PCDHGA2: variants seen among roughly 807,000 people sequenced by gnomAD.
PCDHGA2 encodes the protein protocadherin gamma-A2.
In PCDHGA2, 40 loss-of-function variants were observed where a neutral mutation model predicts 59.2. That is an observed-to-expected ratio of 0.68 (90% confidence interval 0.52 to 0.88). PCDHGA2 has a LOEUF of 0.88. Among genes scored for constraint, PCDHGA2 ranks in the 40% least tolerant of loss-of-function variants. The probability of loss-of-function intolerance (pLI) is 0.00; values close to 1 mark genes in which losing one functional copy is unlikely to be tolerated. For synonymous variants in PCDHGA2, 560 were observed against 526.0 expected (o/e 1.06, Z -0.89); for missense variants, 1,226 against 1,204.0 (o/e 1.02, Z -0.27).
At chr5:141,377,577 CAGAATGAGACTTTT>C (rs1211676701) in intron 1 of PCDHGA2, 2 of 148,600 alleles carry the variant, frequency 1.3e-5, no homozygotes, top group African/African-American at 2.5e-5. Context: ...GCCTGGGAGA[CAGAATGAGACTTTT>C]TCTCTCTCTC....
intron 1 of PCDHGA2, among the ~76,000 whole-genome samples, chr5:141,443,122 A>C (rs1239492679): frequency 6.6e-6 from 1 of 152,138 alleles, no homozygotes; most frequent in East Asian, 1.9e-4. Flanking sequence ...TTCAAACCAG[A>C]TTAAGAACAC....
chr5:141,421,388 G>A (rs369403750), intron 1 of PCDHGA2: 1 of 1,613,934 alleles, frequency 6.2e-7, no homozygotes, highest in Non-Finnish European at 8.5e-7. Context: ...AAGGACCTGG[G>A]GCTGGAGCCC....
At chr5:141,499,007 AG>A (rs2099788320) in intron 2 of PCDHGA2, among the ~76,000 whole-genome samples, 1 of 151,128 alleles carries the variant, frequency 6.6e-6, no homozygotes, top group Non-Finnish European at 1.5e-5. Flanking sequence ...GAAGGAAGGA[AG>A]GAAGGAAGGA....
rs753372015 is a variant in PCDHGA2 at position 141,422,180 on chromosome 5, T to C, written c.2425-72627T>C. The stretch of plus-strand genomic sequence containing the variant: ...TTTGAAAAATATAGATTCTATGAGA[T>C]GGAAATTCAAGGCCAAGATGGTGGA... On this transcript the variant is annotated intron_variant, in intron 1 of 3. Coordinates refer to ENST00000394576, the MANE Select transcript of PCDHGA2 (RefSeq NM_018915.4). 1.1e-5 allele frequency: 17 copies of C among 1,562,190 alleles called. No homozygotes were observed. In the African/African-American group the frequency reaches 1.9e-4, roughly 18 times the overall value.
intron 1 of PCDHGA2, chr5:141,415,772 T>TTA: frequency 7.5e-7 from 1 of 1,332,978 alleles, no homozygotes; most frequent in Non-Finnish European, 9.6e-7. Flanking sequence ...TTTTTTTTTT[T>TTA]ACTTTCTGGT....
chr5:141,344,026 A>T, intron 1 of PCDHGA2: 1 of 1,529,842 alleles, frequency 6.5e-7, no homozygotes, highest in Non-Finnish European at 8.8e-7. Context: ...CGATTCACCG[A>T]AAAGGAAATG....
chr5:141,463,572 C>A (rs1462125489), intron 1 of PCDHGA2, among the ~76,000 whole-genome samples: 2 of 151,572 alleles, frequency 1.3e-5, no homozygotes, highest in African/African-American at 4.9e-5. Context: ...CCTCAGCCTC[C>A]CGAGTAGCTG....
chr5:141,421,617 C>T, intron 1 of PCDHGA2: 3 of 1,613,768 alleles, frequency 1.9e-6, no homozygotes, highest in African/African-American at 1.3e-5. Context: ...TTAATGATAA[C>T]GCCCCCAGCT....
At chr5:141,420,006 G>T in intron 1 of PCDHGA2, 1 of 1,614,052 alleles carries the variant, frequency 6.2e-7, no homozygotes, top group Non-Finnish European at 8.5e-7. Flanking sequence ...CTACGCCTGC[G>T]ACAGTCTTTC....
At position 141,476,791 on chromosome 5, in the gene PCDHGA2, C is replaced by A. The variant is rs766227340; in HGVS notation, c.2425-18016C>A. 1 of 1,613,512 alleles carries A rather than the reference C, an allele frequency of 6.2e-7. No individual in the cohort carries two copies. Among genetic ancestry groups the A allele is most frequent in the Non-Finnish European group, 8.5e-7 (1 of 1,180,014 alleles). On this transcript the variant is annotated intron_variant, in intron 1 of 3. Transcript: ENST00000394576. This position sits in a 1 kb window ranked among gnomAD's most constrained non-coding sequence, Gnocchi z 7.6. ...TGGACGGAGGGACCCCAGCTCTCTC[C>A]GCCAGCCTGCCTATTCACATCAAGG...
intron 1 of PCDHGA2, chr5:141,374,736 G>A (rs1770792620): frequency 1.9e-6 from 3 of 1,611,042 alleles, no homozygotes; most frequent in Non-Finnish European, 1.7e-6. Context: ...ATGGATGGCG[G>A]CGACCCTGTC....
At chr5:141,363,620 A>G (rs779987029) in intron 1 of PCDHGA2, among the ~76,000 whole-genome samples, 3 of 152,264 alleles carry the variant, frequency 2.0e-5, no homozygotes, top group Admixed American at 1.3e-4. Context: ...TAGTGGAGAG[A>G]CTTTCTCAAA....
Position 141,468,058 on chromosome 5 carries a change from C to T in PCDHGA2, c.2425-26749C>T, listed in dbSNP as rs993225792. ...TAGAAAACTAAGCCGGGCACAGTGG[C>T]TCACACCTGTAATCCCAGCACTTTG... On this transcript the variant is annotated intron_variant, in intron 1 of 3. Transcript: ENST00000394576. 1.1e-4 allele frequency among the ~76,000 whole-genome samples: 16 copies of T among 152,140 alleles called. 2 individuals carry two copies. The highest frequency in any genetic ancestry group is 5.2e-4 in the Admixed American group (8 of 15,276).
Position 141,486,369 on chromosome 5 carries a change from C to A in PCDHGA2, c.2425-8438C>A. On this transcript the variant is annotated intron_variant, in intron 1 of 3. Coordinates refer to ENST00000394576, the MANE Select transcript of PCDHGA2 (RefSeq NM_018915.4). This position sits in a 1 kb window ranked among gnomAD's most constrained non-coding sequence, Gnocchi z 5.0. ...GACCACTTGCCATTTGCCCTCAAGT[C>A]TGCCTTCAGGAACCAGTTCTCCCTG... 6.2e-7 allele frequency: 1 copy of A among 1,614,128 alleles called. No individual in the cohort carries two copies. Among genetic ancestry groups the A allele is most frequent in the African/African-American group, 1.3e-5 (1 of 75,048 alleles).
At chr5:141,405,353 AT>A in intron 1 of PCDHGA2, 3 of 1,614,026 alleles carry the variant, frequency 1.9e-6, no homozygotes, top group Non-Finnish European at 2.5e-6. Context: ...CAAGTTTCCT[AT>A]AGAAGACACC....
intron 1 of PCDHGA2, chr5:141,346,313 T>G: frequency 6.2e-7 from 1 of 1,614,188 alleles, no homozygotes; most frequent in East Asian, 2.2e-5. Context: ...TCTCCCTCAC[T>G]GCGGACTCGC....
chr5:141,374,528 T>A (rs759567011), intron 1 of PCDHGA2: 1 of 1,613,048 alleles, frequency 6.2e-7, no homozygotes. Flanking sequence ...CGCAGCTCCA[T>A]CCTCTCGTTT....
At chr5:141,473,335 C>T (rs1243738475) in intron 1 of PCDHGA2, among the ~76,000 whole-genome samples, 3 of 152,184 alleles carry the variant, frequency 2.0e-5, no homozygotes, top group Non-Finnish European at 4.4e-5. Context: ...GCCTGCTGTG[C>T]TAGACAGTGA....
At chr5:141,353,235 G>A (rs371091053) in intron 1 of PCDHGA2, among the ~76,000 whole-genome samples, 10 of 152,116 alleles carry the variant, frequency 6.6e-5, no homozygotes, top group African/African-American at 2.2e-4. Flanking sequence ...CTTAGTAATA[G>A]CAGTGCCTTT....
Sources: gnomAD v4.1 joint callset for allele counts (sites outside exome capture counted in the v4.1 genomes callset) on GRCh38, gnomAD v4.1.1 for gene constraint, Gnocchi (gnomAD v3.1) non-coding constraint, MANE v1.5 for transcripts, NCBI Gene and HGNC (gene_info 2026-07-23, HGNC 2026-07-21) for gene names.